The following XPR1 variants were observed in gnomAD, a reference collection of about 807,000 sequenced individuals.
The protein encoded by XPR1 is xenotropic and polytropic retrovirus receptor 1, also known as solute carrier family 53 member 1.
A neutral mutation model predicts 87.5 loss-of-function variants in XPR1; 28 were observed. The observed-to-expected ratio is 0.32, with a 90% CI of 0.24 to 0.44. The LOEUF is 0.44. Ranked by LOEUF, XPR1 falls within the 20% of genes least tolerant of loss-of-function variation. The pLI, the probability that XPR1 is intolerant of heterozygous loss-of-function variation, is 1.00. For missense variants in XPR1, 559 were observed against 862.3 expected (o/e 0.65, Z 4.41); for synonymous variants, 300 against 306.1 (o/e 0.98, Z 0.21).
At chr1:180,847,051 T>G (rs747999144) in intron 11 of XPR1, among the ~76,000 whole-genome samples, 22 of 152,196 alleles carry the variant, frequency 1.4e-4, no homozygotes, top group Non-Finnish European at 3.2e-4. Flanking sequence ...ATTGTACTAC[T>G]TGTAACTATT....
intron 2 of XPR1, among the ~76,000 whole-genome samples, chr1:180,694,897 T>C (rs1420241829): frequency 6.6e-6 from 1 of 152,162 alleles, no homozygotes; most frequent in Non-Finnish European, 1.5e-5. Flanking sequence ...ATCCCTTTGA[T>C]ATACTAATTT....
intron 3 of XPR1, among the ~76,000 whole-genome samples, chr1:180,793,874 CTTCT>C (rs1649473671): frequency 1.3e-5 from 2 of 151,990 alleles, no homozygotes; most frequent in South Asian, 4.2e-4. Flanking sequence ...TCCTTCCTTC[CTTCT>C]GTCTCTCTCC....
chr1:180,883,344 T>C (rs1158335866), intron 14 of XPR1, among the ~76,000 whole-genome samples: 1 of 152,002 alleles, frequency 6.6e-6, no homozygotes, highest in East Asian at 1.9e-4. Flanking sequence ...TTCAGTGAAA[T>C]CGGTGTTACC....
intron 2 of XPR1, among the ~76,000 whole-genome samples, chr1:180,683,462 A>T (rs1656656614): frequency 6.6e-6 from 1 of 152,110 alleles, no homozygotes; most frequent in Non-Finnish European, 1.5e-5. Flanking sequence ...GTGATTTATA[A>T]TCCTTTGGGT....
In XPR1 at chr1:180,839,350, C is replaced by T. The variant is rs145400401; in HGVS notation, c.1501+2634C>T. ...CTTTCTAACCTAGACAGTAGACCAT[C>T]GTATGATTATTAATTTTAGAAGCTC... On this transcript the variant is annotated intron_variant, in intron 11 of 14. Coordinates refer to ENST00000367590, the MANE Select transcript of XPR1 (RefSeq NM_004736.4). Among the ~76,000 whole-genome samples the T allele has an allele frequency of 2.1e-3, 326 of 152,142 alleles. 2 individuals are homozygous for T. The highest frequency in any genetic ancestry group is 7.3e-3 in the African/African-American group (305 of 41,520).
At chr1:180,832,363 T>A (rs1651096895) in intron 9 of XPR1, among the ~76,000 whole-genome samples, 1 of 152,234 alleles carries the variant, frequency 6.6e-6, no homozygotes, top group Admixed American at 6.5e-5. Context: ...GCTGATAGCT[T>A]CTTTTGCTGT....
chr1:180,656,423 ATATT>A (rs1343284210), intron 1 of XPR1, among the ~76,000 whole-genome samples: 4 of 44,786 alleles, frequency 8.9e-5, no homozygotes, highest in African/African-American at 1.9e-4. Context: ...TTATATATAA[ATATT>A]TATATATTTA....
At chr1:180,656,674 T>G (rs951210611) in intron 1 of XPR1, among the ~76,000 whole-genome samples, 3 of 128,354 alleles carry the variant, frequency 2.3e-5, no homozygotes, top group African/African-American at 8.7e-5. Context: ...TTATATTATA[T>G]ATAATTATAT....
At chr1:180,744,668 T>TTTTTTTTTTTTGG in intron 2 of XPR1, among the ~76,000 whole-genome samples, 1 of 147,244 alleles carries the variant, frequency 6.8e-6, no homozygotes, top group South Asian at 2.2e-4. Flanking sequence ...TTTTTTTTTT[T>TTTTTTTTTTTTGG]GAGACAGAAT....
chr1:180,634,787 G>A (rs1417843736), intron 1 of XPR1, among the ~76,000 whole-genome samples: 2 of 151,758 alleles, frequency 1.3e-5, no homozygotes, highest in African/African-American at 4.8e-5. Context: ...CTTGAAATAA[G>A]CAGAGAATTA....
chr1:180,633,339 T>G (rs1220126751), intron 1 of XPR1, among the ~76,000 whole-genome samples: 1 of 152,238 alleles, frequency 6.6e-6, no homozygotes, highest in African/African-American at 2.4e-5. Flanking sequence ...CTCCAGGAAT[T>G]CACATCTGTT....
chr1:180,805,385 T>C (rs1398669969), intron 4 of XPR1, among the ~76,000 whole-genome samples: 2 of 152,228 alleles, frequency 1.3e-5, no homozygotes, highest in African/African-American at 4.8e-5. Flanking sequence ...TTTGAGATGT[T>C]GAAATGTATA....
intron 2 of XPR1, among the ~76,000 whole-genome samples, chr1:180,687,067 A>G (rs1210145198): frequency 6.6e-6 from 1 of 152,176 alleles, no homozygotes; most frequent in Non-Finnish European, 1.5e-5. Flanking sequence ...TATGCCGTAA[A>G]GAATACCTCC....
chr1:180,652,472 GTCT>G (rs1341626229), intron 1 of XPR1, among the ~76,000 whole-genome samples: 2 of 152,170 alleles, frequency 1.3e-5, no homozygotes, highest in African/African-American at 4.8e-5. Context: ...TGAAGACTTA[GTCT>G]TCTGTCTGAT....
In XPR1 at chr1:180,674,493, A is replaced by C. The variant is rs1031501082; in HGVS notation, c.70-7867A>C. On this transcript the variant is annotated intron_variant, in intron 1 of 14. Transcript: ENST00000367590. ...AGGCTGGTCTTGAACTCCTGACCTCAGGTGACCCACCCTCCTCGGCCTCCA... is the reference window on the plus strand; with the variant it reads ...AGGCTGGTCTTGAACTCCTGACCTCCGGTGACCCACCCTCCTCGGCCTCCA... Among the ~76,000 whole-genome samples, 3 of 151,998 alleles carry C rather than the reference A, an allele frequency of 2.0e-5. No individual in the cohort carries two copies. The South Asian group carries it at 6.2e-4, about 32-fold the overall frequency.
chr1:180,864,440 A>G (rs1009462525), intron 12 of XPR1, among the ~76,000 whole-genome samples: 5 of 152,154 alleles, frequency 3.3e-5, no homozygotes, highest in Non-Finnish European at 7.4e-5. Context: ...TCCAAGCATA[A>G]TTACTGGTCT....
intron 11 of XPR1, among the ~76,000 whole-genome samples, chr1:180,852,651 C>A (rs1651901924): frequency 6.6e-6 from 1 of 152,152 alleles, no homozygotes; most frequent in South Asian, 2.1e-4. Context: ...TGGGCTCATG[C>A]AGCCCTCTCA....
At chr1:180,838,050 C>T (rs1651366102) in intron 11 of XPR1, among the ~76,000 whole-genome samples, 1 of 152,138 alleles carries the variant, frequency 6.6e-6, no homozygotes, top group African/African-American at 2.4e-5. Context: ...TGAAAATCCA[C>T]AGATAACTTT....
chr1:180,636,287 C>T (rs946652873), intron 1 of XPR1, among the ~76,000 whole-genome samples: 9 of 152,160 alleles, frequency 5.9e-5, no homozygotes, highest in East Asian at 5.8e-4. Flanking sequence ...TTTGGCCACC[C>T]GATGGGGCAC....
Sources: gnomAD v4.1 joint callset for allele counts (sites outside exome capture counted in the v4.1 genomes callset) on GRCh38, gnomAD v4.1.1 for gene constraint, MANE v1.5 for transcripts, NCBI Gene and HGNC (gene_info 2026-07-23, HGNC 2026-07-21) for gene names.